The following IL6ST variants were observed in gnomAD, a reference collection of about 807,000 sequenced individuals.
IL6ST encodes the protein interleukin-6 receptor subunit beta.
IL6ST carries 24 observed loss-of-function variants against 91.3 expected under a neutral mutation model. The observed-to-expected ratio is 0.26, with a 90% CI of 0.19 to 0.37. The LOEUF (loss-of-function observed/expected upper bound fraction) is 0.37. Ranked by LOEUF, IL6ST falls within the 10% of genes least tolerant of loss-of-function variation. The pLI, the probability that IL6ST is intolerant of heterozygous loss-of-function variation, is 1.00. For missense variants in IL6ST, 914 were observed against 1,078.5 expected (o/e 0.85, Z 2.14); for synonymous variants, 351 against 373.6 (o/e 0.94, Z 0.70).
chr5:55,991,150 T>C (rs538037244), intron 1 of IL6ST, among the ~76,000 whole-genome samples: 15 of 152,352 alleles, frequency 9.8e-5, no homozygotes, highest in Non-Finnish European at 2.1e-4. Flanking sequence ...TGATGGACAT[T>C]TGAATTGGTT....
At chr5:55,952,190 A>G in intron 12 of IL6ST, 60 bp downstream of exon 12, 2 of 1,496,254 alleles carry the variant, frequency 1.3e-6, no homozygotes, top group Non-Finnish European at 9.2e-7. Flanking sequence ...AAGCGATAAA[A>G]TGTTTCTGTT....
At chr5:55,953,207 C>T (rs931124064) in intron 11 of IL6ST, among the ~76,000 whole-genome samples, 9 of 151,950 alleles carry the variant, frequency 5.9e-5, no homozygotes, top group African/African-American at 2.2e-4. Flanking sequence ...AATGTATATT[C>T]CTTAACTATT....
chr5:55,991,336 C>T (rs576121233), intron 1 of IL6ST, among the ~76,000 whole-genome samples: 3 of 152,312 alleles, frequency 2.0e-5, no homozygotes, highest in Admixed American at 2.0e-4. Context: ...ACAACTCATC[C>T]TCTTCAACTG....
rs182131522 is a variant in IL6ST, at chr5:55,946,272, G to T, written c.1937+1221C>A. Among the ~76,000 whole-genome samples, 114 of 152,222 alleles carry T rather than the reference G, an allele frequency of 7.5e-4. 1 individual carries two copies. The highest frequency in any genetic ancestry group is 2.5e-3 in the African/African-American group (105 of 41,544). On this transcript the variant is annotated intron_variant, in intron 15 of 16. Transcript: ENST00000381298. ...AACACTGCTGGAGGCAATCCAAGAT[G>T]GTGTAGCCACTCTGAAAAAGTTTGG...
intron 3 of IL6ST, 30 bp from the exon 4 acceptor site, chr5:55,969,885 T>C (rs1752863898): frequency 6.9e-7 from 1 of 1,457,680 alleles, no homozygotes; most frequent in Non-Finnish European, 9.4e-7. Flanking sequence ...AATATATAAA[T>C]GGACTGAATT....
Position 55,937,160 on chromosome 5 carries a change from CAAGA to C in IL6ST, c.*3918_*3921del, listed in dbSNP as rs1022788778. 4.7e-6 allele frequency: 1 copy of C among 210,580 alleles called. No homozygotes were observed. The highest frequency in any genetic ancestry group is 9.6e-6 in the Non-Finnish European group (1 of 104,322). 13.0% of individuals were successfully genotyped at this position (210,580 alleles called of 1,614,324 possible). A position where few individuals can be genotyped will look rare whatever the true frequency, so the allele number is the denominator to read the frequency against. ...ACATCATTCAGACAAAGCCTGTGTTCAAGAAATAAAAAAAACATCTATCACTATC... is the reference window on the plus strand; with the variant it reads ...ACATCATTCAGACAAAGCCTGTGTTCAATAAAAAAAACATCTATCACTATC... On this transcript the variant is annotated 3_prime_UTR_variant, in exon 17 of 17. Transcript: ENST00000381298.
At chr5:55,968,960 G>A (rs1391049999) in intron 4 of IL6ST, among the ~76,000 whole-genome samples, 1 of 152,132 alleles carries the variant, frequency 6.6e-6, no homozygotes, top group Admixed American at 6.5e-5. Context: ...TTGGGAGCCC[G>A]AGGCAAGTGG....
At chr5:55,948,832 G>A (rs1373421626) in intron 14 of IL6ST, 1 of 151,904 alleles carries the variant, frequency 6.6e-6, no homozygotes, top group Non-Finnish European at 1.5e-5. Flanking sequence ...TCCACTACTG[G>A]TATATTTAAA....
At position 55,938,302 on chromosome 5, in the gene IL6ST, G is replaced by A. The variant is rs968191147; in HGVS notation, c.*2780C>T. On this transcript the variant is annotated 3_prime_UTR_variant, in exon 17 of 17. Coordinates refer to ENST00000381298, the MANE Select transcript of IL6ST (RefSeq NM_002184.4). ...GCTTTTTTTCCTTGCTGCTGTTCCC[G>A]AGTGCCGACTGATCCATAGTAAAAA... The A allele has an allele frequency of 4.7e-5, 9 of 191,324 alleles. No individual in the cohort carries two copies. Among genetic ancestry groups the A allele is most frequent in the Non-Finnish European group, 7.7e-5 (7 of 91,454 alleles). The allele number at this position is 191,324 out of a possible 1,614,324, so 11.9% of individuals were successfully genotyped here. A position where few individuals can be genotyped will look rare whatever the true frequency, so the allele number is the denominator to read the frequency against.
rs1205194587 is a variant in IL6ST, at chr5:55,940,817, T to C, written c.*265A>G. 2.5e-6 allele frequency: 1 copy of C among 396,478 alleles called. No homozygotes were observed. The highest frequency in any genetic ancestry group is 3.9e-5 in the East Asian group (1 of 25,764). The allele number at this position is 396,478 out of a possible 1,614,324, so 24.6% of individuals were successfully genotyped here. Reference sequence around the variant, plus strand: ...TTATAAATTTCAGATAAGCTTTCTGTTTTTCTTCAGTGCAAACATCCTGAA... The same window carrying C: ...TTATAAATTTCAGATAAGCTTTCTGCTTTTCTTCAGTGCAAACATCCTGAA... On this transcript the variant is annotated 3_prime_UTR_variant, in exon 17 of 17. Transcript: ENST00000381298.
chr5:55,943,762 G>T (rs953835152), intron 15 of IL6ST, among the ~76,000 whole-genome samples: 2 of 151,998 alleles, frequency 1.3e-5, no homozygotes, highest in African/African-American at 4.8e-5. Context: ...GCAAGTAGTA[G>T]TAAAGGGGAA....
In IL6ST at chr5:55,939,872, ATT is replaced by A; in HGVS notation, c.*1208_*1209del. ...GCAGACATTAAAATACCATCTCTTT[ATT>A]AAGTGTCTCTACAATAATGATATTT... On this transcript the variant is annotated 3_prime_UTR_variant, in exon 17 of 17. Transcript: ENST00000381298. The A allele has an allele frequency of 4.9e-6, 1 of 203,494 alleles. No homozygotes were observed. The highest frequency in any genetic ancestry group is 7.5e-5 in the East Asian group (1 of 13,304). The allele number at this position is 203,494 out of a possible 1,614,324, so 12.6% of individuals were successfully genotyped here. A position where few individuals can be genotyped will look rare whatever the true frequency, so the allele number is the denominator to read the frequency against.
intron 14 of IL6ST, among the ~76,000 whole-genome samples, chr5:55,947,836 T>C (rs1240249952): frequency 6.6e-6 from 1 of 152,096 alleles, no homozygotes; most frequent in Non-Finnish European, 1.5e-5. Context: ...TATATGTTGG[T>C]TGGGGGATAA....
At chr5:55,941,924 T>C (rs1750947363) in intron 16 of IL6ST, 105 bp from the exon 17 acceptor site, 5 of 952,374 alleles carry the variant, frequency 5.3e-6, no homozygotes, top group Admixed American at 2.5e-5. Context: ...AAATAACCTG[T>C]ATTATGTCAC....
chr5:55,952,994 G>C (rs569310218), intron 11 of IL6ST, among the ~76,000 whole-genome samples: 28 of 152,168 alleles, frequency 1.8e-4, no homozygotes, highest in African/African-American at 6.7e-4. Context: ...CCAGGAGGCG[G>C]AGCTTGCAGT....
intron 15 of IL6ST, among the ~76,000 whole-genome samples, chr5:55,942,967 G>C (rs1268399739): frequency 1.3e-5 from 2 of 152,056 alleles, no homozygotes; most frequent in Admixed American, 1.3e-4. Context: ...TATTCATAAT[G>C]AATTAACAAA....
intron 3 of IL6ST, among the ~76,000 whole-genome samples, chr5:55,973,397 G>A (rs1182947788): frequency 6.6e-6 from 1 of 152,164 alleles, no homozygotes; most frequent in Non-Finnish European, 1.5e-5. Flanking sequence ...AGACTTCAGA[G>A]GCTAGATCAT....
chr5:55,965,861 C>T (rs1245143861), intron 5 of IL6ST, among the ~76,000 whole-genome samples: 1 of 150,208 alleles, frequency 6.7e-6, no homozygotes, highest in Non-Finnish European at 1.5e-5. Context: ...GAGTAAACTG[C>T]CACTGATCAA....
At position 55,973,225 on chromosome 5, in the gene IL6ST, G is replaced by A. The variant is rs117192802; in HGVS notation, c.64+2990C>T. 3.4e-4 allele frequency among the ~76,000 whole-genome samples: 51 copies of A among 152,090 alleles called. 1 individual carries two copies. In the East Asian group the frequency reaches 9.1e-3, roughly 27 times the overall value. On this transcript the variant is annotated intron_variant, in intron 3 of 16. Transcript: ENST00000381298. Reference sequence around the variant, plus strand: ...ATGCCCTCAATCCTTGGAGAAGACTGTATTTTAAGAATGGCCACACCTACA... The same window carrying A: ...ATGCCCTCAATCCTTGGAGAAGACTATATTTTAAGAATGGCCACACCTACA...
Sources: allele counts gnomAD v4.1 joint callset (sites outside exome capture counted in the v4.1 genomes callset), GRCh38; gene constraint gnomAD v4.1.1; transcripts MANE v1.5; gene names NCBI Gene and HGNC (gene_info 2026-07-23, HGNC 2026-07-21).